ZNF254: variants seen among roughly 807,000 people sequenced by gnomAD.
ZNF254 encodes the protein zinc finger protein 254, also known as CTD-2017D11.1.
In ZNF254, 10 loss-of-function variants were observed where a neutral mutation model predicts 12.4. The ratio of observed to expected loss-of-function variants is 0.80; its 90% confidence interval spans 0.50 to 1.36. ZNF254 has a LOEUF of 1.36. ZNF254 is among the 40% of genes most tolerant of loss of function. ZNF254 has a pLI of 0.00. For missense variants in ZNF254, 996 were observed against 763.9 expected (o/e 1.30, Z -3.58); for synonymous variants, 305 against 253.4 (o/e 1.20, Z -1.93).
chr19:24,034,199 G>A (rs1230298675), intron 1 of ZNF254, among the ~76,000 whole-genome samples: 1 of 152,076 alleles, frequency 6.6e-6, no homozygotes, highest in East Asian at 1.9e-4. Flanking sequence ...CGCCCGCCTC[G>A]GCCTGACCGG....
upstream of ZNF254, among the ~76,000 whole-genome samples, chr19:24,085,629 G>A (rs1285912953): frequency 1.3e-5 from 2 of 151,268 alleles, no homozygotes; most frequent in African/African-American, 4.9e-5. Context: ...GAAATAAACC[G>A]GGCATGATGG....
intron 2 of ZNF254, among the ~76,000 whole-genome samples, chr19:24,049,238 T>G (rs1408446050): frequency 1.4e-5 from 2 of 140,492 alleles, no homozygotes; most frequent in African/African-American, 5.3e-5. Context: ...TTTAATTTAT[T>G]TATTATTTTT....
intron 2 of ZNF254, among the ~76,000 whole-genome samples, chr19:24,080,977 T>A (rs898120990): frequency 1.4e-5 from 2 of 147,846 alleles, no homozygotes; most frequent in African/African-American, 5.0e-5. Context: ...CTCAGGAGGC[T>A]TAGGCAAGAG....
intron 2 of ZNF254, among the ~76,000 whole-genome samples, chr19:24,069,760 G>A (rs886249195): frequency 6.6e-6 from 1 of 151,828 alleles, no homozygotes; most frequent in Admixed American, 6.6e-5. Context: ...AGACCATCCT[G>A]ACTAACATGG....
chr19:24,040,009 A>T (rs997477400), intron 1 of ZNF254, among the ~76,000 whole-genome samples: 1 of 152,236 alleles, frequency 6.6e-6, no homozygotes, highest in Non-Finnish European at 1.5e-5. Context: ...CATTAAAATC[A>T]GAAAAATTCT....
chr19:24,114,090 T>G (rs1218385132), intron 3 of ZNF254, among the ~76,000 whole-genome samples: 1 of 151,640 alleles, frequency 6.6e-6, no homozygotes, highest in Non-Finnish European at 1.5e-5. Flanking sequence ...ATCATGAAAA[T>G]GGCCATACTG....
chr19:24,121,268 A>G (rs1003805509), intron 3 of ZNF254, among the ~76,000 whole-genome samples: 2 of 152,006 alleles, frequency 1.3e-5, no homozygotes, highest in African/African-American at 4.8e-5. Context: ...TTCTTCTTCT[A>G]AGATTACCTT....
At chr19:24,054,615 G>GAA (rs964488791) in intron 2 of ZNF254, among the ~76,000 whole-genome samples, 15 of 152,306 alleles carry the variant, frequency 9.8e-5, no homozygotes, top group Admixed American at 9.8e-4. Context: ...CTCACACAGG[G>GAA]AAAGAGCCTA....
At chr19:24,041,346 C>A (rs917152957) in intron 1 of ZNF254, among the ~76,000 whole-genome samples, 1 of 152,208 alleles carries the variant, frequency 6.6e-6, no homozygotes, top group African/African-American at 2.4e-5. Flanking sequence ...GGGCTGCGTG[C>A]GGCGCTTGCG....
At chr19:24,099,203 C>T (rs1169865683) in intron 1 of ZNF254, among the ~76,000 whole-genome samples, 4 of 144,268 alleles carry the variant, frequency 2.8e-5, no homozygotes, top group Non-Finnish European at 6.0e-5. Flanking sequence ...GATGGGGTTT[C>T]ACCATGTTGG....
At chr19:24,084,713 G>C (rs1971963857), upstream of ZNF254, among the ~76,000 whole-genome samples, 1 of 151,334 alleles carries the variant, frequency 6.6e-6, no homozygotes, top group Non-Finnish European at 1.5e-5. Context: ...TTGCAGCCTC[G>C]ACCTCCTTGG....
At chr19:24,053,582 C>T (rs1048734348) in intron 2 of ZNF254, among the ~76,000 whole-genome samples, 2 of 152,042 alleles carry the variant, frequency 1.3e-5, no homozygotes, top group South Asian at 4.1e-4. Context: ...TATGACTTTC[C>T]TCTACTTCCT....
Position 24,068,248 on chromosome 19 carries a change from A to G in ZNF254, c.-94+21969A>G, listed in dbSNP as rs538617047. Among the ~76,000 whole-genome samples the G allele has an allele frequency of 5.9e-5, 9 of 151,972 alleles. No homozygotes were observed. The South Asian group carries it at 1.7e-3, about 28-fold the overall frequency. On this transcript the variant is annotated intron_variant, in intron 2 of 4. Coordinates refer to the ZNF254 transcript ENST00000613065. ...GGTGTTGCTCACAGAGAGCGTTGTA[A>G]CATATCACTGGGCCCAGCACACAGG...
At chr19:24,105,865 A>G in intron 1 of ZNF254, 75 bp from the exon 2 acceptor site, 1 of 1,539,956 alleles carries the variant, frequency 6.5e-7, no homozygotes, top group Admixed American at 1.8e-5. Context: ...ATTTACTCTA[A>G]TTTTACCTTG....
Position 24,106,652 on chromosome 19 carries a change from G to A in ZNF254, c.253+9G>A. 6.4e-7 allele frequency: 1 copy of A among 1,574,790 alleles called. No individual in the cohort carries two copies. Among genetic ancestry groups the A allele is most frequent in the Non-Finnish European group, 8.6e-7 (1 of 1,157,012 alleles). On this transcript the variant is annotated intron_variant, in intron 3 of 3. Transcript: ENST00000357002. ...GGTGGATGAACCCCCAGGTAGGTGA[G>A]AGTGAATACAACAGATGACATGGAT...
At chr19:24,044,555 A>C (rs1400242309) in intron 1 of ZNF254, among the ~76,000 whole-genome samples, 2 of 151,974 alleles carry the variant, frequency 1.3e-5, no homozygotes, top group African/African-American at 4.8e-5. Context: ...AAAATAAATA[A>C]ATAAATACAA....
Position 24,127,908 on chromosome 19 carries a change from C to T in ZNF254, c.1908C>T (p.Gly636=). 1 of 1,611,470 alleles carries T rather than the reference C, an allele frequency of 6.2e-7. No homozygotes were observed. The highest frequency in any genetic ancestry group is 2.2e-5 in the East Asian group (1 of 44,860). Residue 636 remains glycine, a synonymous_variant, in exon 4 of 4, where the codon GGC becomes GGT. Transcript: ENST00000357002. ...AACCCTACAAATGGGAAAAATTTGG[C>T]AAAGCCTTTAATCGGTCCTCGCACC... ...GEQPYKWEKF[G]KAFNRSSHLT... is the part of the protein sequence containing the mutation.
chr19:24,035,352 G>T (rs1969925754), intron 1 of ZNF254, among the ~76,000 whole-genome samples: 1 of 152,178 alleles, frequency 6.6e-6, no homozygotes, highest in African/African-American at 2.4e-5. Flanking sequence ...TAGTATAGGC[G>T]GGGTTTCACC....
intron 3 of ZNF254, among the ~76,000 whole-genome samples, chr19:24,124,541 C>G (rs1279306232): frequency 6.6e-6 from 1 of 151,976 alleles, no homozygotes; most frequent in Non-Finnish European, 1.5e-5. Flanking sequence ...ATATGCATTT[C>G]CAATATACTT....
Sources: gnomAD v4.1 joint callset for allele counts (sites outside exome capture counted in the v4.1 genomes callset) on GRCh38, gnomAD v4.1.1 for gene constraint, MANE v1.5 for transcripts, NCBI Gene and HGNC (gene_info 2026-07-23, HGNC 2026-07-21) for gene names.